The following SLC36A1 variants were observed in gnomAD, a reference collection of about 807,000 sequenced individuals.
The protein encoded by SLC36A1 is solute carrier family 36 member 1.
SLC36A1 carries 30 observed loss-of-function variants against 47.5 expected under a neutral mutation model. The observed-to-expected ratio is 0.63, with a 90% CI of 0.47 to 0.86. The LOEUF (loss-of-function observed/expected upper bound fraction) is 0.86. Ranked by LOEUF, SLC36A1 falls within the 40% of genes least tolerant of loss-of-function variation. The probability of loss-of-function intolerance (pLI) is 0.00; values close to 1 mark genes in which losing one functional copy is unlikely to be tolerated. For synonymous variants in SLC36A1, 255 were observed against 249.7 expected (o/e 1.02, Z -0.20); for missense variants, 517 against 606.0 (o/e 0.85, Z 1.54).
At chr5:151,464,985 G>A in intron 4 of SLC36A1, 89 bp from the exon 5 acceptor site, 1 of 1,016,342 alleles carries the variant, frequency 9.8e-7, no homozygotes, top group South Asian at 1.3e-5. Flanking sequence ...GATGGGAACT[G>A]GCCCAGGTCT....
the SLC36A1 span, among the ~76,000 whole-genome samples, chr5:151,397,162 C>T: frequency 7.2e-5 from 11 of 152,206 alleles, no homozygotes; most frequent in African/African-American, 2.4e-4. Context: ...TGCACATGAT[C>T]GTTATACCAG....
Position 151,464,614 on chromosome 5 carries a change from C to T in SLC36A1, c.323+12C>T, listed in dbSNP as rs1756063076. ...CACTTCTGCCGCAGGTGAGAGCCCT[C>T]TGAGCCACCTCTCAAGTGACAGATT... is the stretch of plus-strand genomic sequence containing the variant. On this transcript the variant is annotated intron_variant, in intron 4 of 10. Transcript: ENST00000243389. 5.0e-6 allele frequency: 8 copies of T among 1,611,880 alleles called. No individual in the cohort carries two copies. The highest frequency in any genetic ancestry group is 6.8e-6 in the Non-Finnish European group (8 of 1,178,176).
At chr5:151,350,346 C>T in the SLC36A1 span, among the ~76,000 whole-genome samples, 1 of 152,210 alleles carries the variant, frequency 6.6e-6, no homozygotes, top group Non-Finnish European at 1.5e-5. Context: ...GGGGTTACCT[C>T]CCTTGCCTAA....
At chr5:151,535,879 T>C in the SLC36A1 span, among the ~76,000 whole-genome samples, 2 of 152,182 alleles carry the variant, frequency 1.3e-5, no homozygotes, top group African/African-American at 4.8e-5. Context: ...ACACATTTGG[T>C]CACAGAAGTC....
chr5:151,537,027 C>T, the SLC36A1 span, among the ~76,000 whole-genome samples: 1 of 152,222 alleles, frequency 6.6e-6, no homozygotes, highest in South Asian at 2.1e-4. Flanking sequence ...GCTAACACTT[C>T]TGTGTCCACA....
intron 10 of SLC36A1, among the ~76,000 whole-genome samples, chr5:151,487,757 C>T (rs1376573004): frequency 6.6e-6 from 1 of 152,168 alleles, no homozygotes; most frequent in African/African-American, 2.4e-5. Context: ...GGACCGGAGC[C>T]AGAAGATCCG....
chr5:151,514,526 G>A, the SLC36A1 span, among the ~76,000 whole-genome samples: 1 of 152,324 alleles, frequency 6.6e-6, no homozygotes, highest in Non-Finnish European at 1.5e-5. Context: ...GAACATGGCT[G>A]GAGAAAAACG....
the SLC36A1 span, among the ~76,000 whole-genome samples, chr5:151,395,515 A>G: frequency 6.6e-6 from 1 of 152,168 alleles, no homozygotes; most frequent in Non-Finnish European, 1.5e-5. Flanking sequence ...GGAGCTGTAG[A>G]CTGGAGCTGT....
the SLC36A1 span, among the ~76,000 whole-genome samples, chr5:151,367,360 C>CTTTTTTTTTTTTTTTT: frequency 3.1e-5 from 2 of 64,372 alleles, no homozygotes; most frequent in African/African-American, 1.5e-4. Context: ...CCCAGGAATG[C>CTTTTTTTTTTTTTTTT]ATTTTTTTTT....
At chr5:151,374,180 C>A in the SLC36A1 span, among the ~76,000 whole-genome samples, 1 of 152,148 alleles carries the variant, frequency 6.6e-6, no homozygotes, top group East Asian at 1.9e-4. Context: ...GACACGTACC[C>A]CTGAAGATCG....
chr5:151,549,781 T>C, the SLC36A1 span, among the ~76,000 whole-genome samples: 3 of 152,116 alleles, frequency 2.0e-5, no homozygotes, highest in Non-Finnish European at 4.4e-5. Context: ...CCAAATTACA[T>C]CTCAGAGAAT....
rs902078350 is a variant in SLC36A1 at position 151,490,712 on chromosome 5, G to A, written c.*2458G>A. The A allele has an allele frequency of 2.0e-5, 3 of 152,250 alleles. No homozygotes were observed. The highest frequency in any genetic ancestry group is 1.9e-4 in the East Asian group (1 of 5,202). The allele number at this position is 152,250 out of a possible 1,614,324, so 9.4% of individuals were successfully genotyped here. A position where few individuals can be genotyped will look rare whatever the true frequency, so the allele number is the denominator to read the frequency against. On this transcript the variant is annotated 3_prime_UTR_variant, in exon 11 of 11. Coordinates refer to ENST00000243389, the MANE Select transcript of SLC36A1 (RefSeq NM_078483.4). ...CCTGCTACACTGACAGACTGATTGC[G>A]TGGCTCTTTCAGAAGACCCAGGAAG...
chr5:151,414,298 T>C, the SLC36A1 span, among the ~76,000 whole-genome samples: 1 of 151,796 alleles, frequency 6.6e-6, no homozygotes, highest in Non-Finnish European at 1.5e-5. Flanking sequence ...ATGTTACCTA[T>C]AGGAAAAACA....
At chr5:151,461,584 T>A (rs923097460) in intron 2 of SLC36A1, among the ~76,000 whole-genome samples, 2 of 152,182 alleles carry the variant, frequency 1.3e-5, no homozygotes, top group Non-Finnish European at 2.9e-5. Flanking sequence ...AGGCTAAAAC[T>A]CTCTTCATAA....
chr5:151,414,099 G>T, the SLC36A1 span, among the ~76,000 whole-genome samples: 1 of 152,056 alleles, frequency 6.6e-6, no homozygotes, highest in African/African-American at 2.4e-5. Context: ...GAGCTCACAG[G>T]CTAGCTATAA....
chr5:151,538,265 T>C, the SLC36A1 span, among the ~76,000 whole-genome samples: 1 of 152,190 alleles, frequency 6.6e-6, no homozygotes, highest in South Asian at 2.1e-4. Flanking sequence ...CAGGCAGGGC[T>C]AGAAGGGACT....
At position 151,490,228 on chromosome 5, in the gene SLC36A1, C is replaced by CA. The variant is rs1759996162; in HGVS notation, c.*1974_*1975insA. 6.6e-6 allele frequency: 1 copy of CA among 152,210 alleles called. No individual in the cohort carries two copies. Among genetic ancestry groups the CA allele is most frequent in the South Asian group, 2.1e-4 (1 of 4,826 alleles). The allele number at this position is 152,210 out of a possible 1,614,324, so 9.4% of individuals were successfully genotyped here. A position where few individuals can be genotyped will look rare whatever the true frequency, so the allele number is the denominator to read the frequency against. ...AGGTGCTATGTGACCAGGAATCTAG[C>CA]CGGGAGTAGCAGAGGCCCTGTCTTC... On this transcript the variant is annotated 3_prime_UTR_variant, in exon 11 of 11. Coordinates refer to ENST00000243389, the MANE Select transcript of SLC36A1 (RefSeq NM_078483.4).
the SLC36A1 span, among the ~76,000 whole-genome samples, chr5:151,388,217 C>A: frequency 2.8e-4 from 42 of 152,032 alleles, no homozygotes; most frequent in African/African-American, 9.2e-4. Context: ...ATGATAAGAA[C>A]CTTGGTCTTG....
At chr5:151,368,518 GA>G in the SLC36A1 span, among the ~76,000 whole-genome samples, 2 of 152,200 alleles carry the variant, frequency 1.3e-5, no homozygotes, top group South Asian at 4.1e-4. Context: ...ATATACCCAA[GA>G]AAAAGTATCT....
Sources: gnomAD v4.1 joint callset for allele counts (sites outside exome capture counted in the v4.1 genomes callset) on GRCh38, gnomAD v4.1.1 for gene constraint, MANE v1.5 for transcripts, NCBI Gene and HGNC (gene_info 2026-07-23, HGNC 2026-07-21) for gene names.